Variants in MLLT1 observed in about 807,000 individuals in gnomAD.
MLLT1 encodes the protein MLLT1 super elongation complex subunit.
Under a neutral mutation model 55.1 loss-of-function variants are expected in MLLT1, and 11 were observed. The observed-to-expected ratio is 0.20, with a 90% confidence interval of 0.13 to 0.33. The LOEUF (loss-of-function observed/expected upper bound fraction) is 0.33, where lower values mean the gene tolerates loss of function less well. Ranked by LOEUF, MLLT1 falls within the 10% of genes least tolerant of loss-of-function variation. The pLI is 1.00. For missense variants in MLLT1, 536 were observed against 760.6 expected (o/e 0.70, Z 3.47); for synonymous variants, 323 against 320.1 (o/e 1.01, Z -0.10).
rs2091368444 is a variant in MLLT1, at chr19:6,268,601, A to C, written c.193+1978T>G. Among the ~76,000 whole-genome samples, 7 of 152,320 alleles carry C rather than the reference A, an allele frequency of 4.6e-5. No homozygotes were observed. The South Asian group carries it at 1.4e-3, about 32-fold the overall frequency. ...TCAATCCAGAGGCTGGAGTGCTCTAAGAGGTTCACTCCCTCTCTAAAGTTT... is the reference window on the plus strand; with the variant it reads ...TCAATCCAGAGGCTGGAGTGCTCTACGAGGTTCACTCCCTCTCTAAAGTTT... On this transcript the variant is annotated intron_variant, in intron 2 of 11. Transcript: ENST00000252674.
rs2091255690 is a variant in MLLT1, at chr19:6,256,220, G to GATAAGTAA, written c.276+6007_276+6008insTTACTTAT. On this transcript the variant is annotated intron_variant, in intron 3 of 11. Transcript: ENST00000252674. The surrounding 1 kb of genome is among the most constrained non-coding windows in gnomAD (Gnocchi z 4.1). ...CAAGAGCGAAACTCTGTCTCAAAAAGATAAATAAATAAATAAATAAATAAA... is the reference window on the plus strand; with the variant it reads ...CAAGAGCGAAACTCTGTCTCAAAAAGATAAGTAAATAAATAAATAAATAAATAAATAAA... Among the ~76,000 whole-genome samples, 2 of 142,048 alleles carry GATAAGTAA rather than the reference G, an allele frequency of 1.4e-5. No individual in the cohort carries two copies. The highest frequency in any genetic ancestry group is 4.1e-4 in the East Asian group (2 of 4,916). 93.2% of individuals were successfully genotyped at this position (142,048 alleles called of 152,430 possible).
chr19:6,222,260 A>AAGGAGG lies in MLLT1; in HGVS notation c.965_970dup (p.Ser322_Ser323dup), dbSNP rs749877976. On this transcript the variant is annotated inframe_insertion, in exon 6 of 12. Coordinates refer to ENST00000252674, the MANE Select transcript of MLLT1 (RefSeq NM_005934.4). This position sits in a 1 kb window ranked among gnomAD's most constrained non-coding sequence, Gnocchi z 4.1. ...GTCCTTGGCCGGCTTCTTGTCCGAG[A>AAGGAGG]AGGAGGAGGAGGAGGAGGTGCGGGG... 9 of 1,609,614 alleles carry AAGGAGG rather than the reference A, an allele frequency of 5.6e-6. No individual in the cohort carries two copies. The highest frequency in any genetic ancestry group is 1.7e-4 in the Middle Eastern group (1 of 6,040).
intron 3 of MLLT1, among the ~76,000 whole-genome samples, chr19:6,245,056 C>T (rs1454139991): frequency 4.6e-5 from 7 of 151,912 alleles, no homozygotes; most frequent in African/African-American, 9.7e-5. Flanking sequence ...AAATAAAGAA[C>T]GGGGCCAGGT....
At chr19:6,213,668 C>CA in intron 10 of MLLT1, 58 bp downstream of exon 10, 1 of 1,382,572 alleles carries the variant, frequency 7.2e-7, no homozygotes, top group South Asian at 1.2e-5. Flanking sequence ...CCACTGGCTG[C>CA]AACTCCCACC....
chr19:6,260,539 T>C (rs2091295393), intron 3 of MLLT1, among the ~76,000 whole-genome samples: 2 of 152,240 alleles, frequency 1.3e-5, no homozygotes, highest in South Asian at 4.1e-4. Flanking sequence ...CTGCCCCACC[T>C]GCCTCCGAAT....
In MLLT1 at chr19:6,262,410, C is replaced by A. The variant is rs1219527172; in HGVS notation, c.194-100G>T. 3 of 994,920 alleles carry A rather than the reference C, an allele frequency of 3.0e-6. No homozygotes were observed. The highest frequency in any genetic ancestry group is 2.5e-5 in the East Asian group (1 of 40,624). 61.6% of individuals were successfully genotyped at this position (994,920 alleles called of 1,614,324 possible). On this transcript the variant is annotated intron_variant, in intron 2 of 11. Coordinates refer to ENST00000252674, the MANE Select transcript of MLLT1 (RefSeq NM_005934.4). The surrounding 1 kb of genome is among the most constrained non-coding windows in gnomAD (Gnocchi z 4.4). ...ACCCCTCAACCCCACCACCTCCTCA[C>A]AGGGGCTTGGCTGGCCTCTCGGGGG...
At chr19:6,265,049 C>CAAAAACAAAAAAAAAAAAAAAAA (rs1568296295) in intron 2 of MLLT1, among the ~76,000 whole-genome samples, 2 of 23,302 alleles carry the variant, frequency 8.6e-5, no homozygotes, top group Non-Finnish European at 2.3e-4. Context: ...AAAAAAAAAA[C>CAAAAACAAAAAAAAAAAAAAAAA]AAAAAAACAA....
Position 6,238,297 on chromosome 19 carries a change from A to G in MLLT1, c.277-7584T>C, listed in dbSNP as rs76925849. ...ATGGTATTGGGCATGTGATAATGTTAAAGAATTACTAATTTACCAATTTCT... is the reference window on the plus strand; with the variant it reads ...ATGGTATTGGGCATGTGATAATGTTGAAGAATTACTAATTTACCAATTTCT... On this transcript the variant is annotated intron_variant, in intron 3 of 11. Coordinates refer to ENST00000252674, the MANE Select transcript of MLLT1 (RefSeq NM_005934.4). 4.6e-5 allele frequency among the ~76,000 whole-genome samples: 7 copies of G among 152,354 alleles called. No individual in the cohort carries two copies. The East Asian group carries it at 1.3e-3, about 29-fold the overall frequency.
At position 6,222,088 on chromosome 19, in the gene MLLT1, C is replaced by T. The variant is rs757114541; in HGVS notation, c.1110+33G>A. The T allele has an allele frequency of 6.9e-7, 1 of 1,457,520 alleles. No homozygotes were observed. The highest frequency in any genetic ancestry group is 2.5e-5 in the Admixed American group (1 of 40,028). The allele number at this position is 1,457,520 out of a possible 1,614,324, so 90.3% of individuals were successfully genotyped here. A position where few individuals can be genotyped will look rare whatever the true frequency, so the allele number is the denominator to read the frequency against. On this transcript the variant is annotated intron_variant, in intron 6 of 11. Coordinates refer to ENST00000252674, the MANE Select transcript of MLLT1 (RefSeq NM_005934.4). The surrounding 1 kb of genome is among the most constrained non-coding windows in gnomAD (Gnocchi z 4.1). ...GAGGCGGGTCCCACCACACTGCCTG[C>T]ACCTGGCTGCCCTGCCCCCAGCACT...
intron 2 of MLLT1, among the ~76,000 whole-genome samples, chr19:6,263,845 C>A (rs2091324953): frequency 6.6e-6 from 1 of 151,572 alleles, no homozygotes; most frequent in Admixed American, 6.6e-5. Flanking sequence ...AGGGCAGGGA[C>A]AGCCACTGGT....
chr19:6,241,675 T>G (rs975167251), intron 3 of MLLT1, among the ~76,000 whole-genome samples: 4 of 152,184 alleles, frequency 2.6e-5, no homozygotes, highest in Non-Finnish European at 5.9e-5. Context: ...CTTCGTTCTT[T>G]CCTTGTGCTT....
chr19:6,252,382 G>A (rs1372358358), intron 3 of MLLT1, among the ~76,000 whole-genome samples: 1 of 152,164 alleles, frequency 6.6e-6, no homozygotes, highest in African/African-American at 2.4e-5. Context: ...ACAATCACGT[G>A]AGCCTATTCC....
chr19:6,226,164 C>T lies in MLLT1; in HGVS notation c.546+813G>A, dbSNP rs373088472. ...GGCTGGGCCCACACGCAGGGCCTGGCAGACAAGTGAGGTGAGGAGAAAGGA... is the reference window on the plus strand; with the variant it reads ...GGCTGGGCCCACACGCAGGGCCTGGTAGACAAGTGAGGTGAGGAGAAAGGA... On this transcript the variant is annotated intron_variant, in intron 5 of 11. Coordinates refer to ENST00000252674, the MANE Select transcript of MLLT1 (RefSeq NM_005934.4). The surrounding 1 kb of genome is among the most constrained non-coding windows in gnomAD (Gnocchi z 6.3). Among the ~76,000 whole-genome samples, 5 of 152,186 alleles carry T rather than the reference C, an allele frequency of 3.3e-5. No homozygotes were observed. The East Asian group carries it at 7.7e-4, about 24-fold the overall frequency.
At chr19:6,218,690 C>G (rs2090868693) in intron 6 of MLLT1, among the ~76,000 whole-genome samples, 1 of 152,214 alleles carries the variant, frequency 6.6e-6, no homozygotes, top group Non-Finnish European at 1.5e-5. Flanking sequence ...ACAACAAGGA[C>G]ACAAGGGGTG....
chr19:6,241,422 G>A (rs949343943), intron 3 of MLLT1, among the ~76,000 whole-genome samples: 1 of 65,920 alleles, frequency 1.5e-5, no homozygotes, highest in Non-Finnish European at 2.7e-5. Context: ...ACAAACAGTC[G>A]GAAAGATGGC....
Position 6,211,080 on chromosome 19 carries a change from G to T in MLLT1, c.*1962C>A. On this transcript the variant is annotated 3_prime_UTR_variant, in exon 12 of 12. Transcript: ENST00000252674. This position sits in a 1 kb window ranked among gnomAD's most constrained non-coding sequence, Gnocchi z 4.6. ...TTGGGGGACTCCTGCGAAGGAGAAA[G>T]GCCAGCACCCTGGGCTGAGGTTCCT... The T allele has an allele frequency of 4.3e-6, 1 of 232,356 alleles. No homozygotes were observed. Among genetic ancestry groups the T allele is most frequent in the Non-Finnish European group, 8.5e-6 (1 of 117,500 alleles). The allele number at this position is 232,356 out of a possible 1,614,324, so 14.4% of individuals were successfully genotyped here.
At position 6,241,232 on chromosome 19, in the gene MLLT1, C is replaced by T. The variant is rs550543072; in HGVS notation, c.277-10519G>A. On this transcript the variant is annotated intron_variant, in intron 3 of 11. Transcript: ENST00000252674. ...GAACTGAGGCCGCCGGAACCCACAGCTCCTAGACCCCCGCCCCATCCCGAG... is the reference window on the plus strand; with the variant it reads ...GAACTGAGGCCGCCGGAACCCACAGTTCCTAGACCCCCGCCCCATCCCGAG... 2.0e-5 allele frequency among the ~76,000 whole-genome samples: 3 copies of T among 152,334 alleles called. No individual in the cohort carries two copies. In the South Asian group the frequency reaches 6.2e-4, roughly 32 times the overall value.
intron 3 of MLLT1, among the ~76,000 whole-genome samples, chr19:6,255,580 A>G (rs2091251076): frequency 6.6e-6 from 1 of 152,236 alleles, no homozygotes; most frequent in Admixed American, 6.5e-5. Context: ...ATATTGCTGA[A>G]AGAACCTAAA....
At position 6,213,040 on chromosome 19, in the gene MLLT1, G is replaced by C. The variant is rs1402873089; in HGVS notation, c.*2C>G. 1 of 1,613,380 alleles carries C rather than the reference G, an allele frequency of 6.2e-7. No individual in the cohort carries two copies. Among genetic ancestry groups the C allele is most frequent in the Admixed American group, 1.7e-5 (1 of 60,002 alleles). ...GGTGGGGGCCCGGCACGCGGCCCAGGGTCATGTGGCCACGGCCTCCAGGCA... is the reference window on the plus strand; with the variant it reads ...GGTGGGGGCCCGGCACGCGGCCCAGCGTCATGTGGCCACGGCCTCCAGGCA... On this transcript the variant is annotated 3_prime_UTR_variant, in exon 12 of 12. Coordinates refer to ENST00000252674, the MANE Select transcript of MLLT1 (RefSeq NM_005934.4).
Sources: gnomAD v4.1 joint callset for allele counts (sites outside exome capture counted in the v4.1 genomes callset) on GRCh38, gnomAD v4.1.1 for gene constraint, Gnocchi (gnomAD v3.1) non-coding constraint, MANE v1.5 for transcripts, NCBI Gene and HGNC (gene_info 2026-07-23, HGNC 2026-07-21) for gene names.